The following TPD52L2 variants were observed in gnomAD, a reference collection of about 807,000 sequenced individuals.
TPD52L2 encodes TPD52 like 2.
TPD52L2 carries 19 observed loss-of-function variants against 24.7 expected under a neutral mutation model. The observed-to-expected ratio is 0.77, with a 90% confidence interval of 0.54 to 1.13. TPD52L2 has a LOEUF of 1.13. Among genes scored for constraint, TPD52L2 ranks in the 50% most tolerant of loss-of-function variants. The probability of loss-of-function intolerance (pLI) is 0.00; values close to 1 mark genes in which losing one functional copy is unlikely to be tolerated. For missense variants in TPD52L2, 236 were observed against 250.4 expected (o/e 0.94, Z 0.39); for synonymous variants, 104 against 100.2 (o/e 1.04, Z -0.23).
At chr20:63,875,241 A>G (rs904460103) in intron 3 of TPD52L2, among the ~76,000 whole-genome samples, 7 of 151,786 alleles carry the variant, frequency 4.6e-5, no homozygotes, top group East Asian at 1.9e-4. Flanking sequence ...GTGGTCCTAC[A>G]TGACGACGTG....
Position 63,865,468 on chromosome 20 carries a change from C to T in TPD52L2, c.19+84C>T, listed in dbSNP as rs2052178192. ...GTCTCCCGGGGTCGCGTCTGCGACT[C>T]TCTGTCCTCTCGGTCTCGGTTCACC... is the stretch of plus-strand genomic sequence containing the variant. On this transcript the variant is annotated intron_variant, in intron 1 of 6. Coordinates refer to ENST00000346249, the MANE Select transcript of TPD52L2 (RefSeq NM_003288.4). The T allele has an allele frequency of 6.1e-6, 9 of 1,464,538 alleles. No homozygotes were observed. The Admixed American group carries it at 7.2e-5, about 12-fold the overall frequency. 90.7% of individuals were successfully genotyped at this position (1,464,538 alleles called of 1,614,324 possible). A position where few individuals can be genotyped will look rare whatever the true frequency, so the allele number is the denominator to read the frequency against.
chr20:63,875,017 C>T (rs2052613756), intron 3 of TPD52L2, among the ~76,000 whole-genome samples: 1 of 151,936 alleles, frequency 6.6e-6, no homozygotes, highest in African/African-American at 2.4e-5. Flanking sequence ...TGGTGCGCAC[C>T]TGTGATCTCG....
In TPD52L2 at chr20:63,874,017, A is replaced by G. The variant is rs184682803; in HGVS notation, c.314+201A>G. Reference sequence around the variant, plus strand: ...TGTTTGTTCAAAAAGCTTGGTGTCTACATGTGTTTTATTTATTTTTAAGTT... The same window carrying G: ...TGTTTGTTCAAAAAGCTTGGTGTCTGCATGTGTTTTATTTATTTTTAAGTT... On this transcript the variant is annotated intron_variant, in intron 3 of 6. Transcript: ENST00000346249. Among the ~76,000 whole-genome samples the G allele has an allele frequency of 2.2e-4, 33 of 152,144 alleles. 1 individual carries two copies. The East Asian group carries it at 6.0e-3, about 28-fold the overall frequency.
intron 4 of TPD52L2, among the ~76,000 whole-genome samples, chr20:63,879,215 A>G (rs544202439): frequency 7.9e-5 from 12 of 152,238 alleles, no homozygotes; most frequent in African/African-American, 2.9e-4. Context: ...CCCAGTTTGG[A>G]GGTTCCTGTT....
At chr20:63,887,656 G>A in intron 5 of TPD52L2, 1 of 1,579,668 alleles carries the variant, frequency 6.3e-7, no homozygotes, top group Non-Finnish European at 8.7e-7. Flanking sequence ...CTCTGGTGGG[G>A]GTTGGGGCAG....
intron 1 of TPD52L2, 101 bp from the exon 2 acceptor site, chr20:63,869,195 C>T (rs2052369539): frequency 1.5e-6 from 2 of 1,378,702 alleles, no homozygotes; most frequent in African/African-American, 2.8e-5. Context: ...TCCAGGGTCT[C>T]ACCCACTCCC....
At chr20:63,865,427 C>A in intron 1 of TPD52L2, 43 bp downstream of exon 1, 1 of 1,508,838 alleles carries the variant, frequency 6.6e-7, no homozygotes, top group Admixed American at 2.1e-5. Context: ...TGGGCCCAGG[C>A]TGCCCGTTGT....
chr20:63,878,787 A>G (rs896151034), intron 4 of TPD52L2, among the ~76,000 whole-genome samples: 2 of 152,182 alleles, frequency 1.3e-5, no homozygotes, highest in African/African-American at 4.8e-5. Context: ...CTCTCTTCCT[A>G]GAAGGTCTTA....
chr20:63,866,452 T>C (rs1331461836), intron 1 of TPD52L2, among the ~76,000 whole-genome samples: 3 of 150,426 alleles, frequency 2.0e-5, no homozygotes, highest in Non-Finnish European at 3.0e-5. Context: ...TGGAGGGTGT[T>C]TTTTGTTTGT....
intron 5 of TPD52L2, chr20:63,887,667 C>T (rs1003707525): frequency 2.4e-5 from 37 of 1,537,584 alleles, no homozygotes; most frequent in Non-Finnish European, 3.1e-5. Context: ...GTTGGGGCAG[C>T]TCCCGCCGGT....
At chr20:63,875,155 ATATAT>A (rs1568946079) in intron 3 of TPD52L2, among the ~76,000 whole-genome samples, 11 of 142,818 alleles carry the variant, frequency 7.7e-5, no homozygotes, top group African/African-American at 8.0e-5. Context: ...AAAAAAAAAT[ATATAT>A]ATATATATAT....
chr20:63,879,051 G>A (rs1044326237), intron 4 of TPD52L2, among the ~76,000 whole-genome samples: 2 of 152,340 alleles, frequency 1.3e-5, no homozygotes, highest in East Asian at 1.9e-4. Context: ...AGCTGCTGCC[G>A]CCACCTTGGA....
At position 63,890,080 on chromosome 20, in the gene TPD52L2, CGGAGATGT is replaced by C; in HGVS notation, c.*138_*145del. The C allele has an allele frequency of 1.3e-6, 2 of 1,511,064 alleles. No homozygotes were observed. The highest frequency in any genetic ancestry group is 1.8e-6 in the Non-Finnish European group (2 of 1,126,978). The allele number at this position is 1,511,064 out of a possible 1,614,324, so 93.6% of individuals were successfully genotyped here. A position where few individuals can be genotyped will look rare whatever the true frequency, so the allele number is the denominator to read the frequency against. On this transcript the variant is annotated 3_prime_UTR_variant, in exon 7 of 7. Coordinates refer to ENST00000346249, the MANE Select transcript of TPD52L2 (RefSeq NM_003288.4). ...CTGAGGACAGTCCTGCCCATCCACG[CGGAGATGT>C]GGCTGCCGCGTTTGCATGAATTTGA...
chr20:63,870,457 A>G (rs1341917971), intron 2 of TPD52L2, among the ~76,000 whole-genome samples: 1 of 151,910 alleles, frequency 6.6e-6, no homozygotes, highest in Non-Finnish European at 1.5e-5. Flanking sequence ...TAACTTCAGA[A>G]TATGTGAGTT....
chr20:63,873,457 C>A (rs1424854301), intron 2 of TPD52L2, among the ~76,000 whole-genome samples: 1 of 151,308 alleles, frequency 6.6e-6, no homozygotes, highest in Non-Finnish European at 1.5e-5. Flanking sequence ...CCATTGCACT[C>A]CAGCCTGGGC....
At chr20:63,886,585 G>C (rs558450619) in intron 5 of TPD52L2, among the ~76,000 whole-genome samples, 1 of 151,658 alleles carries the variant, frequency 6.6e-6, no homozygotes, top group Non-Finnish European at 1.5e-5. Context: ...TCCCGACCTC[G>C]TGATCCGCCC....
intron 2 of TPD52L2, among the ~76,000 whole-genome samples, chr20:63,871,965 A>G (rs2146189853): frequency 6.6e-6 from 1 of 152,122 alleles, no homozygotes; most frequent in East Asian, 1.9e-4. Flanking sequence ...GAAGCTAGTC[A>G]TATATGAGCT....
intron 1 of TPD52L2, 57 bp from the exon 2 acceptor site, chr20:63,869,239 G>A: frequency 4.4e-6 from 7 of 1,604,562 alleles, no homozygotes; most frequent in African/African-American, 1.3e-5. Flanking sequence ...GACCTCTACC[G>A]TATTTACTTG....
intron 5 of TPD52L2, chr20:63,887,958 T>G (rs375884866): frequency 4.8e-5 from 18 of 377,160 alleles, no homozygotes; most frequent in African/African-American, 3.6e-4. Flanking sequence ...CTCAGGACAC[T>G]TCACGGTCTC....
Sources: allele counts gnomAD v4.1 joint callset (sites outside exome capture counted in the v4.1 genomes callset), GRCh38; gene constraint gnomAD v4.1.1; transcripts MANE v1.5; gene names NCBI Gene and HGNC (gene_info 2026-07-23, HGNC 2026-07-21).